SOS1: variants seen among roughly 807,000 people sequenced by gnomAD.
The protein encoded by SOS1 is SOS Ras/Rac guanine nucleotide exchange factor 1, also known as son of sevenless homolog 1.
In SOS1, 25 loss-of-function variants were observed where a neutral mutation model predicts 157.6. That is an observed-to-expected ratio of 0.16 (90% CI 0.12 to 0.22). The LOEUF is 0.22. Among genes scored for constraint, SOS1 ranks in the 10% least tolerant of loss-of-function variants. The pLI is 1.00. For missense variants in SOS1, 1,237 were observed against 1,599.1 expected (o/e 0.77, Z 3.86); for synonymous variants, 528 against 534.0 (o/e 0.99, Z 0.16).
At chr2:39,102,991 T>C (rs1359929021) in intron 1 of SOS1, among the ~76,000 whole-genome samples, 1 of 152,082 alleles carries the variant, frequency 6.6e-6, no homozygotes, top group Non-Finnish European at 1.5e-5. Context: ...ATTTAAGTAG[T>C]TGTGTTTCTA....
At chr2:39,104,913 G>T (rs1453844777) in intron 1 of SOS1, among the ~76,000 whole-genome samples, 2 of 152,314 alleles carry the variant, frequency 1.3e-5, no homozygotes, top group African/African-American at 4.8e-5. Flanking sequence ...GATTGGGAAA[G>T]AATAGATGGT....
At chr2:39,109,274 GAC>G (rs1413463580) in intron 1 of SOS1, among the ~76,000 whole-genome samples, 52 of 152,212 alleles carry the variant, frequency 3.4e-4, no homozygotes, top group African/African-American at 1.2e-3. Context: ...AGCATACAAG[GAC>G]AGTCTCCTAG....
At chr2:39,116,792 A>C (rs968961127) in intron 1 of SOS1, among the ~76,000 whole-genome samples, 3 of 152,192 alleles carry the variant, frequency 2.0e-5, no homozygotes, top group African/African-American at 7.2e-5. Context: ...TGGAGGCTGC[A>C]GTGAGCCAAG....
chr2:39,051,121 G>A lies in SOS1; in HGVS notation c.864+23C>T, dbSNP rs531748599. ...ATGTAGGCTTTTATGCAGACTTTTC[G>A]GGTATATAATTGAAGTACTTACCTC... On this transcript the variant is annotated intron_variant, in intron 6 of 22. Transcript: ENST00000402219. The A allele has an allele frequency of 1.4e-5, 23 of 1,610,226 alleles. No individual in the cohort carries two copies. The Middle Eastern group carries it at 6.6e-4, about 46-fold the overall frequency.
At chr2:39,055,396 A>G (rs1203154743) in intron 4 of SOS1, among the ~76,000 whole-genome samples, 2 of 152,162 alleles carry the variant, frequency 1.3e-5, no homozygotes, top group Non-Finnish European at 2.9e-5. Flanking sequence ...TTTCATGAAT[A>G]TAAGTATACC....
intron 1 of SOS1, among the ~76,000 whole-genome samples, chr2:39,094,650 C>T (rs903152026): frequency 1.1e-5 from 1 of 90,308 alleles, no homozygotes; most frequent in Non-Finnish European, 2.3e-5. Flanking sequence ...AAGACTCGGT[C>T]TCAAATAAAT....
chr2:39,114,976 C>T (rs1558520583), intron 1 of SOS1, among the ~76,000 whole-genome samples: 2 of 152,128 alleles, frequency 1.3e-5, no homozygotes, highest in South Asian at 2.1e-4. Flanking sequence ...CCTTGCTTCT[C>T]GGTCTCCTTA....
At chr2:39,002,231 CAGG>C (rs1359703426) in intron 17 of SOS1, among the ~76,000 whole-genome samples, 2 of 30,056 alleles carry the variant, frequency 6.7e-5, no homozygotes, top group African/African-American at 3.8e-4. Flanking sequence ...GAGGCTGAGG[CAGG>C]AGAACTGCTG....
rs1433308196 is a variant in SOS1 at position 38,981,880 on chromosome 2, T to G, written c.*3944A>C. 3 of 152,214 alleles carry G rather than the reference T, an allele frequency of 2.0e-5. No homozygotes were observed. Among genetic ancestry groups the G allele is most frequent in the African/African-American group, 7.2e-5 (3 of 41,464 alleles). The allele number at this position is 152,214 out of a possible 1,614,324, so 9.4% of individuals were successfully genotyped here. On this transcript the variant is annotated 3_prime_UTR_variant, in exon 23 of 23. Coordinates refer to ENST00000402219, the MANE Select transcript of SOS1 (RefSeq NM_005633.4). Reference sequence around the variant, plus strand: ...TCACTTTGACAAACAAATTCTCTGGTGGTTTCACCAGATATTTGCACCCCA... The same window carrying G: ...TCACTTTGACAAACAAATTCTCTGGGGGTTTCACCAGATATTTGCACCCCA...
At chr2:39,024,295 T>C (rs1223090501) in intron 8 of SOS1, among the ~76,000 whole-genome samples, 158 bp from the exon 9 acceptor site, 1 of 152,174 alleles carries the variant, frequency 6.6e-6, no homozygotes, top group Non-Finnish European at 1.5e-5. Flanking sequence ...TTCTTGTGTG[T>C]TACTATTAAT....
Position 39,051,240 on chromosome 2 carries a change from A to G in SOS1, c.768T>C (p.Ser256=). 1 of 1,612,200 alleles carries G rather than the reference A, an allele frequency of 6.2e-7. No homozygotes were observed. Among genetic ancestry groups the G allele is most frequent in the East Asian group, 2.2e-5 (1 of 44,814 alleles). The change falls in exon 6 of 23, where the codon AGT becomes AGC. Residue 256 remains serine (S), a synonymous_variant. Coordinates refer to ENST00000402219, the MANE Select transcript of SOS1 (RefSeq NM_005633.4). ...CTTCTATATGGCCCAGTAACTTTACACTAAGTTCATGTATATCTACTATGC... is the reference window on the plus strand; with the variant it reads ...CTTCTATATGGCCCAGTAACTTTACGCTAAGTTCATGTATATCTACTATGC... ...FSRIVDIHEL[S]VKLLGHIEDT...
chr2:39,062,558 G>A (rs1437730818), intron 2 of SOS1, among the ~76,000 whole-genome samples: 1 of 149,188 alleles, frequency 6.7e-6, no homozygotes, highest in Non-Finnish European at 1.5e-5. Context: ...ATTTTACGAT[G>A]AAGGGCTAAT....
chr2:38,988,692 CA>C (rs1176549342), intron 21 of SOS1, among the ~76,000 whole-genome samples: 1 of 151,678 alleles, frequency 6.6e-6, no homozygotes, highest in Non-Finnish European at 1.5e-5. Flanking sequence ...GAAAGGACAG[CA>C]AAAAAATATT....
At chr2:39,073,440 C>T (rs762490425) in intron 1 of SOS1, among the ~76,000 whole-genome samples, 2 of 152,168 alleles carry the variant, frequency 1.3e-5, no homozygotes, top group Non-Finnish European at 2.9e-5. Context: ...AATTTAAGTA[C>T]AATTAATGCA....
chr2:38,999,662 A>G (rs1669025719), intron 17 of SOS1, among the ~76,000 whole-genome samples: 1 of 152,170 alleles, frequency 6.6e-6, no homozygotes, highest in African/African-American at 2.4e-5. Flanking sequence ...TGTCCTCTAC[A>G]CAAGTTGCAT....
upstream of SOS1, among the ~76,000 whole-genome samples, chr2:39,123,147 CCTAA>C: frequency 6.6e-6 from 1 of 152,260 alleles, no homozygotes; most frequent in Non-Finnish European, 1.5e-5. Context: ...GCCTAGAACC[CCTAA>C]CTGTTCCCTT....
chr2:39,099,927 G>C (rs1038157374), intron 1 of SOS1, among the ~76,000 whole-genome samples: 1 of 152,130 alleles, frequency 6.6e-6, no homozygotes, highest in African/African-American at 2.4e-5. Context: ...ATTTTGGCCA[G>C]GCTGGTCTCA....
At chr2:39,067,843 G>T in intron 1 of SOS1, 90 bp from the exon 2 acceptor site, 2 of 1,165,306 alleles carry the variant, frequency 1.7e-6, no homozygotes, top group Non-Finnish European at 2.5e-6. Context: ...TTGTGGCCGG[G>T]CACGGTGGCT....
In SOS1 at chr2:39,038,414, G is replaced by A. The variant is rs192678155; in HGVS notation, c.865-2914C>T. ...AAGTTTATGATAAAACTTGAATGGA[G>A]AATTTGCTTCTTATGGATGAGCAAA... On this transcript the variant is annotated intron_variant, in intron 6 of 22. Transcript: ENST00000402219. 6.6e-5 allele frequency among the ~76,000 whole-genome samples: 10 copies of A among 152,212 alleles called. No individual in the cohort carries two copies. The East Asian group carries it at 1.9e-3, about 29-fold the overall frequency.
Sources: allele counts gnomAD v4.1 joint callset (sites outside exome capture counted in the v4.1 genomes callset), GRCh38; gene constraint gnomAD v4.1.1; transcripts MANE v1.5; gene names NCBI Gene and HGNC (gene_info 2026-07-23, HGNC 2026-07-21).